The following CSMD1 variants were observed in gnomAD, a reference collection of about 807,000 sequenced individuals.
The protein encoded by CSMD1 is CUB and Sushi multiple domains 1, also known as CUB and sushi domain-containing protein 1.
CSMD1 carries 213 observed loss-of-function variants against 417.5 expected under a neutral mutation model. That is an observed-to-expected ratio of 0.51 (90% CI 0.46 to 0.57). CSMD1 has a LOEUF of 0.57. CSMD1 is among the 20% of genes least tolerant of loss of function. The pLI, the probability that CSMD1 is intolerant of heterozygous loss-of-function variation, is 0.00. For missense variants in CSMD1, 6,923 were observed against 4,529.7 expected, an observed-to-expected ratio of 1.53 and a Z score of -15.17; for synonymous variants, 2,862 against 1,736.8, an observed-to-expected ratio of 1.65 and a Z score of -16.11.
intron 8 of CSMD1, among the ~76,000 whole-genome samples, chr8:3,605,566 T>C (rs77629294): frequency 0.026 from 3,910 of 152,344 alleles, 72 homozygotes; most frequent in Middle Eastern, 0.078. Flanking sequence ...TTGTTTCTGC[T>C]TCTTATTATG....
At chr8:3,023,946 A>G (rs1437286685) in intron 51 of CSMD1, among the ~76,000 whole-genome samples, 1 of 152,108 alleles carries the variant, frequency 6.6e-6, no homozygotes, top group East Asian at 1.9e-4. Flanking sequence ...TCCTGATCCA[A>G]CAGAACATAG....
intron 1 of CSMD1, among the ~76,000 whole-genome samples, chr8:4,881,959 A>T (rs1803431460): frequency 6.6e-6 from 1 of 152,174 alleles, no homozygotes; most frequent in East Asian, 1.9e-4. Context: ...ATGCAATGAA[A>T]AGGATATGAC....
At chr8:4,036,084 T>C (rs779274459) in intron 3 of CSMD1, among the ~76,000 whole-genome samples, 18 of 152,232 alleles carry the variant, frequency 1.2e-4, no homozygotes, top group African/African-American at 2.7e-4. Context: ...TTCAGCCACA[T>C]GCTGTACAGG....
chr8:4,575,448 G>A (rs1197876040), intron 2 of CSMD1, among the ~76,000 whole-genome samples: 5 of 152,106 alleles, frequency 3.3e-5, no homozygotes, highest in Non-Finnish European at 7.3e-5. Context: ...GTAACATCCG[G>A]CAGGTCATTA....
chr8:3,546,801 C>A (rs539625350), intron 10 of CSMD1, among the ~76,000 whole-genome samples: 29 of 152,280 alleles, frequency 1.9e-4, no homozygotes, highest in African/African-American at 7.0e-4. Flanking sequence ...CTGCAGCTCC[C>A]TGAAGAACAT....
chr8:3,726,076 G>A (rs1347520348), intron 6 of CSMD1, among the ~76,000 whole-genome samples: 3 of 152,128 alleles, frequency 2.0e-5, no homozygotes, highest in African/African-American at 4.8e-5. Context: ...CATGCCATGA[G>A]GGTACTCAAG....
At chr8:3,821,410 T>C (rs547290299) in intron 5 of CSMD1, among the ~76,000 whole-genome samples, 6 of 152,314 alleles carry the variant, frequency 3.9e-5, no homozygotes, top group Non-Finnish European at 7.3e-5. Context: ...CACACGCGCA[T>C]GTGGATTATG....
intron 4 of CSMD1, among the ~76,000 whole-genome samples, chr8:4,016,573 C>T (rs187334124): frequency 1.3e-5 from 2 of 152,240 alleles, no homozygotes; most frequent in African/African-American, 2.4e-5. Flanking sequence ...TTCACTTAGT[C>T]CTCAATCCTA....
intron 12 of CSMD1, among the ~76,000 whole-genome samples, chr8:3,458,363 TA>T (rs1244386412): frequency 6.6e-6 from 1 of 152,224 alleles, no homozygotes. Context: ...TCTGTGCTTA[TA>T]ATTCATTCAT....
intron 23 of CSMD1, among the ~76,000 whole-genome samples, chr8:3,312,112 C>G (rs576932688): frequency 3.9e-5 from 6 of 152,014 alleles, no homozygotes; most frequent in African/African-American, 1.2e-4. Flanking sequence ...AAAAAACAAG[C>G]AAAGAAAAAA....
At chr8:4,803,972 G>A (rs140410675) in intron 1 of CSMD1, among the ~76,000 whole-genome samples, 114 of 152,274 alleles carry the variant, frequency 7.5e-4, no homozygotes, top group Non-Finnish European at 1.1e-3. Flanking sequence ...CAGATGTATC[G>A]TAAGTCAAAG....
At chr8:4,606,428 G>C (rs1800871534) in intron 2 of CSMD1, among the ~76,000 whole-genome samples, 1 of 152,072 alleles carries the variant, frequency 6.6e-6, no homozygotes, top group African/African-American at 2.4e-5. Context: ...TGGGCTCACA[G>C]TGCTGCTAGT....
chr8:4,621,102 T>C lies in CSMD1; in HGVS notation c.302+16240A>G, dbSNP rs548668316. Among the ~76,000 whole-genome samples the C allele has an allele frequency of 9.9e-5, 15 of 152,228 alleles. No homozygotes were observed. The South Asian group carries it at 2.5e-3, about 25-fold the overall frequency. On this transcript the variant is annotated intron_variant, in intron 2 of 69. Transcript: ENST00000635120. ...ATAATAACAGCAGCTGAGTATTTCT[T>C]ATCTGAAATTCTTAGGACCAGACGT... is the stretch of plus-strand genomic sequence containing the variant.
At chr8:3,495,960 T>C (rs773120384) in intron 10 of CSMD1, among the ~76,000 whole-genome samples, 1 of 152,144 alleles carries the variant, frequency 6.6e-6, no homozygotes, top group Non-Finnish European at 1.5e-5. Flanking sequence ...GTTTGGGACA[T>C]AGGTAAACAC....
intron 25 of CSMD1, among the ~76,000 whole-genome samples, chr8:3,305,644 G>A (rs1804776280): frequency 6.6e-6 from 1 of 152,092 alleles, no homozygotes; most frequent in Non-Finnish European, 1.5e-5. Context: ...CCATCCTCCA[G>A]AACTGTTAAG....
Position 3,223,788 on chromosome 8 carries a change from C to A in CSMD1, c.4425G>T (p.Lys1475Asn), listed in dbSNP as rs1451515574. Residue 1475 changes from lysine (K) to asparagine (N), a missense_variant, in exon 28 of 70, where the codon AAG (lysine) becomes AAT (asparagine). Physicochemically the swap from Lys to Asn is moderately conservative, Grantham distance 94 (BLOSUM62 0). Coordinates refer to ENST00000635120, the MANE Select transcript of CSMD1 (RefSeq NM_033225.6). ...PNYPQPYPPG[K>N]ECDWRVKVNP... Reference sequence around the variant, plus strand: ...TCACTTTTACTCTCCAGTCACATTCCTTCCCAGGAGGATACGGCTGTGGGT... The same window carrying A: ...TCACTTTTACTCTCCAGTCACATTCATTCCCAGGAGGATACGGCTGTGGGT... The A allele has an allele frequency of 6.2e-7, 1 of 1,613,872 alleles. No individual in the cohort carries two copies. The highest frequency in any genetic ancestry group is 8.5e-7 in the Non-Finnish European group (1 of 1,179,824).
At chr8:4,699,126 C>G (rs191853185) in intron 1 of CSMD1, among the ~76,000 whole-genome samples, 1 of 152,272 alleles carries the variant, frequency 6.6e-6, no homozygotes, top group Non-Finnish European at 1.5e-5. Flanking sequence ...CAATCATTTA[C>G]TTGGATGATG....
At chr8:3,729,379 T>C (rs1802688775) in intron 6 of CSMD1, among the ~76,000 whole-genome samples, 1 of 152,202 alleles carries the variant, frequency 6.6e-6, no homozygotes. Context: ...CGCCTTGGGC[T>C]CAGTTGTGCT....
chr8:3,084,394 G>C (rs994710891), intron 49 of CSMD1, among the ~76,000 whole-genome samples: 1 of 151,486 alleles, frequency 6.6e-6, no homozygotes, highest in African/African-American at 2.4e-5. Context: ...ATGGTGGTGG[G>C]TGCCTGTAAT....
Sources: gnomAD v4.1 joint callset for allele counts (sites outside exome capture counted in the v4.1 genomes callset) on GRCh38, gnomAD v4.1.1 for gene constraint, MANE v1.5 for transcripts, NCBI Gene and HGNC (gene_info 2026-07-23, HGNC 2026-07-21) for gene names.